TBC1D19: variants seen among roughly 807,000 people sequenced by gnomAD.
TBC1D19 encodes TBC1 domain family member 19.
In TBC1D19, 60 loss-of-function variants were observed where a neutral mutation model predicts 89.0. The observed-to-expected ratio is 0.67, with a 90% CI of 0.55 to 0.84. TBC1D19 has a LOEUF of 0.84. TBC1D19 is among the 40% of genes least tolerant of loss of function. TBC1D19 has a pLI of 0.00. For missense variants in TBC1D19, 500 were observed against 610.8 expected, an observed-to-expected ratio of 0.82 and a Z score of 1.91; for synonymous variants, 189 against 199.7, an observed-to-expected ratio of 0.95 and a Z score of 0.45.
chr4:26,720,567 T>G (rs1716907817), intron 15 of TBC1D19, among the ~76,000 whole-genome samples: 1 of 152,174 alleles, frequency 6.6e-6, no homozygotes, highest in African/African-American at 2.4e-5. Flanking sequence ...AAATCACCTA[T>G]TTTGATGTTA....
the TBC1D19 span, among the ~76,000 whole-genome samples, chr4:26,832,846 T>C: frequency 6.6e-6 from 1 of 152,062 alleles, no homozygotes; most frequent in Non-Finnish European, 1.5e-5. Context: ...ATACAAAAAT[T>C]AGCTGGGCTT....
chr4:26,811,035 A>G, the TBC1D19 span, among the ~76,000 whole-genome samples: 1 of 152,228 alleles, frequency 6.6e-6, no homozygotes, highest in African/African-American at 2.4e-5. Flanking sequence ...AAATCATTCT[A>G]CTATAAAGAC....
intron 13 of TBC1D19, among the ~76,000 whole-genome samples, chr4:26,708,179 A>G (rs1715882159): frequency 6.6e-6 from 1 of 152,044 alleles, no homozygotes; most frequent in Non-Finnish European, 1.5e-5. Flanking sequence ...AGGTCTCAGC[A>G]TTCATTTATG....
At chr4:26,595,326 A>G (rs1161098681) in intron 1 of TBC1D19, among the ~76,000 whole-genome samples, 2 of 152,130 alleles carry the variant, frequency 1.3e-5, no homozygotes, top group African/African-American at 4.8e-5. Context: ...ATACTTGGGT[A>G]GAATTGTTTT....
At chr4:26,812,349 T>C in the TBC1D19 span, among the ~76,000 whole-genome samples, 2 of 152,208 alleles carry the variant, frequency 1.3e-5, no homozygotes, top group African/African-American at 4.8e-5. The surrounding 1 kb of genome is among the most constrained non-coding windows in gnomAD (Gnocchi z 4.2). Flanking sequence ...TTCTGAGAAC[T>C]GCAGTTTTCA....
intron 13 of TBC1D19, among the ~76,000 whole-genome samples, chr4:26,716,687 A>G (rs1197180790): frequency 1.3e-5 from 2 of 152,164 alleles, no homozygotes; most frequent in African/African-American, 4.8e-5. Context: ...TTGGTTTGAA[A>G]AAATTATATG....
chr4:26,748,622 T>C (rs560355058), intron 19 of TBC1D19, 96 bp downstream of exon 19: 695 of 904,684 alleles, frequency 7.7e-4, no homozygotes, highest in Non-Finnish European at 1.1e-3. Flanking sequence ...AATTTATTTG[T>C]CACTTCTAAT....
At chr4:26,839,520 A>G in the TBC1D19 span, among the ~76,000 whole-genome samples, 2 of 151,972 alleles carry the variant, frequency 1.3e-5, no homozygotes. Flanking sequence ...TGTGGGAAGG[A>G]GCATGAGGGA....
chr4:26,753,755 A>T, intron 19 of TBC1D19, 65 bp from the exon 20 acceptor site: 1 of 1,580,616 alleles, frequency 6.3e-7, no homozygotes, highest in Non-Finnish European at 8.7e-7. Context: ...TGGGCATAGC[A>T]TAGCAGTAAC....
intron 13 of TBC1D19, among the ~76,000 whole-genome samples, chr4:26,713,483 A>G (rs1265010240): frequency 6.6e-6 from 1 of 152,052 alleles, no homozygotes; most frequent in Non-Finnish European, 1.5e-5. Context: ...AGGAAAGAAC[A>G]TATCATTTTG....
the TBC1D19 span, among the ~76,000 whole-genome samples, chr4:26,806,036 C>T: frequency 6.6e-6 from 1 of 152,108 alleles, no homozygotes; most frequent in Non-Finnish European, 1.5e-5. Context: ...GGCCCTGCTT[C>T]TCTAACCTCA....
chr4:26,784,588 C>A, the TBC1D19 span, among the ~76,000 whole-genome samples: 11 of 152,156 alleles, frequency 7.2e-5, no homozygotes, highest in Admixed American at 2.6e-4. Flanking sequence ...CCATCAGAAA[C>A]CTTTGTTATG....
chr4:26,851,356 TCTATC>T, the TBC1D19 span, among the ~76,000 whole-genome samples: 1 of 151,452 alleles, frequency 6.6e-6, no homozygotes, highest in African/African-American at 2.4e-5. Flanking sequence ...TATCTATCTA[TCTATC>T]ATCTATCCAT....
At chr4:26,810,174 C>A in the TBC1D19 span, among the ~76,000 whole-genome samples, 1 of 152,216 alleles carries the variant, frequency 6.6e-6, no homozygotes, top group African/African-American at 2.4e-5. Flanking sequence ...CAATCTGAGC[C>A]GAGGTGCTCA....
downstream of TBC1D19, among the ~76,000 whole-genome samples, chr4:26,760,033 A>C (rs1719406370): frequency 6.6e-6 from 1 of 152,198 alleles, no homozygotes; most frequent in Non-Finnish European, 1.5e-5. Context: ...GGAGGCCTCC[A>C]AACTCTTCTG....
the TBC1D19 span, among the ~76,000 whole-genome samples, chr4:26,846,383 T>A: frequency 6.6e-6 from 1 of 152,222 alleles, no homozygotes; most frequent in Non-Finnish European, 1.5e-5. Context: ...AGATCATTTT[T>A]CAACTACTTG....
the TBC1D19 span, among the ~76,000 whole-genome samples, chr4:26,802,169 A>T: frequency 5.3e-5 from 8 of 152,158 alleles, no homozygotes; most frequent in Non-Finnish European, 1.2e-4. Context: ...GGCAAAAAAC[A>T]AACAAACAAA....
intron 4 of TBC1D19, among the ~76,000 whole-genome samples, chr4:26,626,839 A>T (rs1742440998): frequency 2.1e-5 from 3 of 144,972 alleles, no homozygotes; most frequent in South Asian, 2.2e-4. Context: ...TTTTATTTTT[A>T]TTTATTTTAT....
At chr4:26,604,602 G>A (rs1399930033) in intron 1 of TBC1D19, among the ~76,000 whole-genome samples, 2 of 150,956 alleles carry the variant, frequency 1.3e-5, no homozygotes, top group East Asian at 2.0e-4. Context: ...CGGGCATGGT[G>A]GCTCACGCCT....
Sources: allele counts gnomAD v4.1 joint callset (sites outside exome capture counted in the v4.1 genomes callset), GRCh38; gene constraint gnomAD v4.1.1; non-coding constraint Gnocchi (gnomAD v3.1); transcripts MANE v1.5; gene names NCBI Gene and HGNC (gene_info 2026-07-23, HGNC 2026-07-21).